KCNAB1: variants seen among roughly 807,000 people sequenced by gnomAD.
KCNAB1 encodes potassium voltage-gated channel subfamily A regulatory beta subunit 1, also known as voltage-gated potassium channel subunit beta-1.
In KCNAB1, 35 loss-of-function variants were observed where a neutral mutation model predicts 64.6. The observed-to-expected ratio is 0.54, with a 90% CI of 0.41 to 0.72. The LOEUF is 0.72. Ranked by LOEUF, KCNAB1 falls within the 30% of genes least tolerant of loss-of-function variation. KCNAB1 has a pLI of 0.00. For synonymous variants in KCNAB1, 177 were observed against 183.8 expected (o/e 0.96, Z 0.30); for missense variants, 401 against 512.9 (o/e 0.78, Z 2.11).
At chr3:156,322,037 G>A (rs116145643) in intron 1 of KCNAB1, among the ~76,000 whole-genome samples, 2,149 of 152,314 alleles carry the variant, frequency 0.014, 20 homozygotes, top group South Asian at 0.031. Context: ...ACTAGGTGAA[G>A]TAGCCAGCAT....
chr3:156,475,526 A>C (rs1714277499), intron 8 of KCNAB1, among the ~76,000 whole-genome samples: 1 of 152,228 alleles, frequency 6.6e-6, no homozygotes, highest in Admixed American at 6.5e-5. Context: ...ACTGAAGTTT[A>C]AAATCATATG....
At chr3:156,427,788 G>A (rs376073332) in intron 2 of KCNAB1, among the ~76,000 whole-genome samples, 3 of 152,272 alleles carry the variant, frequency 2.0e-5, no homozygotes, top group African/African-American at 7.2e-5. Context: ...CAGGTGATAT[G>A]GGGTCTAGGC....
intron 1 of KCNAB1, among the ~76,000 whole-genome samples, chr3:156,298,302 G>T (rs543798306): frequency 6.6e-6 from 1 of 152,214 alleles, no homozygotes; most frequent in African/African-American, 2.4e-5. Context: ...ATGCATGCAT[G>T]TGCGCACGTG....
intron 1 of KCNAB1, among the ~76,000 whole-genome samples, chr3:156,122,476 G>C (rs1052743327): frequency 6.6e-6 from 1 of 152,160 alleles, no homozygotes; most frequent in African/African-American, 2.4e-5. Context: ...TATTAGTTAA[G>C]GTAACCAGGT....
At chr3:156,156,486 A>T (rs1207835510) in intron 1 of KCNAB1, among the ~76,000 whole-genome samples, 2 of 152,258 alleles carry the variant, frequency 1.3e-5, no homozygotes, top group African/African-American at 2.4e-5. Context: ...GGAAGGAGGT[A>T]ACAGCAGCTT....
chr3:156,348,553 G>A (rs1724651834), intron 1 of KCNAB1, among the ~76,000 whole-genome samples: 1 of 152,110 alleles, frequency 6.6e-6, no homozygotes, highest in African/African-American at 2.4e-5. Context: ...AGGTTTTGGA[G>A]GAAAAAACTT....
At chr3:156,411,349 C>T (rs1016636139) in intron 1 of KCNAB1, among the ~76,000 whole-genome samples, 4 of 152,032 alleles carry the variant, frequency 2.6e-5, no homozygotes, top group Non-Finnish European at 5.9e-5. Flanking sequence ...TTTCTCAGAA[C>T]AAAAGTCTTA....
chr3:156,348,425 G>C (rs1016458295), intron 1 of KCNAB1, among the ~76,000 whole-genome samples: 1 of 152,190 alleles, frequency 6.6e-6, no homozygotes, highest in Non-Finnish European at 1.5e-5. Context: ...GATATATTAG[G>C]GGTGGGACTG....
intron 1 of KCNAB1, among the ~76,000 whole-genome samples, chr3:156,195,951 G>T (rs1713894179): frequency 6.6e-6 from 1 of 152,108 alleles, no homozygotes; most frequent in Admixed American, 6.6e-5. Context: ...TCCATCTGAA[G>T]TTAATTTTTG....
At chr3:156,336,091 G>A (rs1723690582) in intron 1 of KCNAB1, among the ~76,000 whole-genome samples, 1 of 152,146 alleles carries the variant, frequency 6.6e-6, no homozygotes, top group Non-Finnish European at 1.5e-5. Flanking sequence ...CAGGCGTGAT[G>A]GCTCACACCT....
chr3:156,202,463 G>T (rs1027778039), intron 1 of KCNAB1, among the ~76,000 whole-genome samples: 2 of 152,278 alleles, frequency 1.3e-5, no homozygotes, highest in Non-Finnish European at 1.5e-5. Flanking sequence ...GATCTGCTAG[G>T]AGTGCACCAG....
chr3:156,499,824 TAGAG>T (rs1404562110), intron 8 of KCNAB1, among the ~76,000 whole-genome samples: 2 of 152,152 alleles, frequency 1.3e-5, no homozygotes, highest in Admixed American at 1.3e-4. Flanking sequence ...AGGCACTCAG[TAGAG>T]TCCATGCCCT....
At chr3:156,418,208 T>G (rs1715222711) in intron 1 of KCNAB1, among the ~76,000 whole-genome samples, 2 of 152,250 alleles carry the variant, frequency 1.3e-5, no homozygotes, top group East Asian at 3.8e-4. Flanking sequence ...TTACAGAATT[T>G]TTATGTAGCC....
chr3:156,504,678 C>G (rs1443896653), intron 8 of KCNAB1, among the ~76,000 whole-genome samples: 1 of 144,646 alleles, frequency 6.9e-6, no homozygotes, highest in Non-Finnish European at 1.5e-5. Context: ...TGTATGTCTT[C>G]TTTAGAGGAA....
At chr3:156,530,363 T>C (rs875580) in intron 12 of KCNAB1, among the ~76,000 whole-genome samples, 10,886 of 152,186 alleles carry the variant, frequency 0.072, 833 homozygotes, top group African/African-American at 0.19. Flanking sequence ...TTAAGGAATA[T>C]TCCAATGGAG....
intron 1 of KCNAB1, among the ~76,000 whole-genome samples, chr3:156,213,712 G>T (rs1715153082): frequency 2.0e-5 from 3 of 152,190 alleles, no homozygotes; most frequent in African/African-American, 7.2e-5. Context: ...TATGTAATAA[G>T]CAGTATCCCT....
intron 1 of KCNAB1, among the ~76,000 whole-genome samples, chr3:156,372,405 C>G (rs1207098311): frequency 6.6e-6 from 1 of 152,158 alleles, no homozygotes; most frequent in South Asian, 2.1e-4. Flanking sequence ...CAGTGGTTCT[C>G]AAATTTAAGC....
chr3:156,224,951 T>G (rs1185900989), intron 1 of KCNAB1, among the ~76,000 whole-genome samples: 1 of 152,048 alleles, frequency 6.6e-6, no homozygotes, highest in Admixed American at 6.6e-5. Context: ...AAAAAAAAGT[T>G]CAGGACCAGA....
intron 8 of KCNAB1, among the ~76,000 whole-genome samples, chr3:156,482,902 T>C (rs1302594790): frequency 6.6e-6 from 1 of 152,082 alleles, no homozygotes; most frequent in Admixed American, 6.6e-5. Context: ...AGTCTCCAGG[T>C]CTACTACCAG....
Sources: allele counts gnomAD v4.1 joint callset (sites outside exome capture counted in the v4.1 genomes callset), GRCh38; gene constraint gnomAD v4.1.1; transcripts MANE v1.5; gene names NCBI Gene and HGNC (gene_info 2026-07-23, HGNC 2026-07-21).